UACA: variants seen among roughly 807,000 people sequenced by gnomAD.
UACA encodes the protein uveal autoantigen with coiled-coil domains and ankyrin repeats.
A neutral mutation model predicts 160.5 loss-of-function variants in UACA; 112 were observed. That is an observed-to-expected ratio of 0.70 (90% CI 0.60 to 0.82). The LOEUF is 0.82. Among genes scored for constraint, UACA ranks in the 40% least tolerant of loss-of-function variants. The probability of loss-of-function intolerance (pLI) is 0.00; values close to 1 mark genes in which losing one functional copy is unlikely to be tolerated. For synonymous variants in UACA, 557 were observed against 568.4 expected (o/e 0.98, Z 0.29); for missense variants, 1,574 against 1,614.6 (o/e 0.97, Z 0.43).
rs558728127 is a variant in UACA, at chr15:70,655,310, C to A, written c.*1746G>T. On this transcript the variant is annotated 3_prime_UTR_variant, in exon 19 of 19. Coordinates refer to ENST00000322954, the MANE Select transcript of UACA (RefSeq NM_018003.4). Reference sequence around the variant, plus strand: ...TGGCGAGATCTTGGCTCACTGCAACCTCCGCCTCCCAGGTTCAAGCGATTC... The same window carrying A: ...TGGCGAGATCTTGGCTCACTGCAACATCCGCCTCCCAGGTTCAAGCGATTC... The A allele has an allele frequency of 6.6e-6, 1 of 152,500 alleles. No homozygotes were observed. Among genetic ancestry groups the A allele is most frequent in the Non-Finnish European group, 1.5e-5 (1 of 68,176 alleles). The allele number at this position is 152,500 out of a possible 1,614,324, so 9.4% of individuals were successfully genotyped here.
chr15:70,736,050 A>G (rs929250451), intron 1 of UACA, among the ~76,000 whole-genome samples: 12 of 152,226 alleles, frequency 7.9e-5, no homozygotes, highest in African/African-American at 2.7e-4. Flanking sequence ...AGTACTTTTA[A>G]TTGATTTTTG....
intron 1 of UACA, among the ~76,000 whole-genome samples, chr15:70,754,728 T>C (rs974014629): frequency 4.6e-5 from 7 of 151,866 alleles, no homozygotes; most frequent in African/African-American, 1.7e-4. Flanking sequence ...TTTCTGACAA[T>C]AAAACAAAGC....
chr15:70,710,441 C>G (rs1188306965), intron 1 of UACA, among the ~76,000 whole-genome samples: 1 of 152,158 alleles, frequency 6.6e-6, no homozygotes, highest in East Asian at 1.9e-4. Flanking sequence ...GAGCAATTCT[C>G]CAGCACACAA....
intron 17 of UACA, among the ~76,000 whole-genome samples, chr15:70,662,644 C>G (rs1005861465): frequency 1.8e-4 from 28 of 152,180 alleles, no homozygotes; most frequent in Admixed American, 1.0e-3. Context: ...AAACAGCATG[C>G]TACTGGTACC....
At chr15:70,678,307 A>G in intron 10 of UACA, 101 bp from the exon 11 acceptor site, 1 of 654,008 alleles carries the variant, frequency 1.5e-6, no homozygotes, top group Non-Finnish European at 2.6e-6. Context: ...AGGTACATAC[A>G]TATGTAAAAC....
At position 70,695,102 on chromosome 15, in the gene UACA, G is replaced by A; in HGVS notation, c.216C>T (p.Phe72=). 2 of 1,589,688 alleles carry A rather than the reference G, an allele frequency of 1.3e-6. No individual in the cohort carries two copies. The highest frequency in any genetic ancestry group is 1.8e-5 in the Admixed American group (1 of 56,220). Residue 72 remains phenylalanine, a synonymous_variant, in exon 3 of 19, where the codon TTC becomes TTT. Coordinates refer to ENST00000322954, the MANE Select transcript of UACA (RefSeq NM_018003.4). The part of the protein sequence containing the change: ...GKLDVEGRSV[F]HVVTSKGNLE... ...GATTCCCCTTTGAGGTCACAACATG[G>A]AAGCTAAACAAAAAAAAAATATTTG...
intron 13 of UACA, among the ~76,000 whole-genome samples, chr15:70,674,891 G>A (rs555650103): frequency 4.6e-5 from 7 of 152,246 alleles, no homozygotes; most frequent in South Asian, 4.1e-4. Flanking sequence ...GAGACACTGC[G>A]CCTGGCCTAT....
chr15:70,666,751 A>G lies in UACA; in HGVS notation c.3933T>C (p.Ala1311=). The G allele has an allele frequency of 6.2e-7, 1 of 1,607,442 alleles. No individual in the cohort carries two copies. The highest frequency in any genetic ancestry group is 1.1e-5 in the South Asian group (1 of 89,492). ...TELQRRIQES[A]KQIEAKDNKI... ...TATTATCTTTTGCTTCTATTTGTTTAGCAGATTCTTGTATTCTTCTTTGTA... is the reference window on the plus strand; with the variant it reads ...TATTATCTTTTGCTTCTATTTGTTTGGCAGATTCTTGTATTCTTCTTTGTA... The change falls in exon 16 of 19, where the codon GCT becomes GCC. Residue 1311 remains alanine, a synonymous_variant. Coordinates refer to ENST00000322954, the MANE Select transcript of UACA (RefSeq NM_018003.4).
intron 1 of UACA, among the ~76,000 whole-genome samples, chr15:70,750,706 C>A (rs190230304): frequency 4.6e-5 from 7 of 152,084 alleles, no homozygotes; most frequent in Non-Finnish European, 8.8e-5. Context: ...CCTGTCTCTA[C>A]AAAAAATAAA....
chr15:70,684,680 G>T (rs201271546), intron 7 of UACA, among the ~76,000 whole-genome samples: 2 of 151,978 alleles, frequency 1.3e-5, no homozygotes, highest in Non-Finnish European at 2.9e-5. Context: ...CTTATAAACT[G>T]TAGTTCTACT....
rs1251544571 is a variant in UACA, at chr15:70,654,892, GTAA to G, written c.*2161_*2163del. ...TTAAAAAGCTTTGGTCTTCAGTGTT[GTAA>G]ACGCAATTTCTGCCTTCGATATCAA... On this transcript the variant is annotated 3_prime_UTR_variant, in exon 19 of 19. Transcript: ENST00000322954. 3.3e-5 allele frequency: 5 copies of G among 152,186 alleles called. No individual in the cohort carries two copies. The allele number at this position is 152,186 out of a possible 1,614,324, so 9.4% of individuals were successfully genotyped here.
chr15:70,691,716 AAGAG>A (rs1286388901), intron 3 of UACA, among the ~76,000 whole-genome samples: 1 of 152,170 alleles, frequency 6.6e-6, no homozygotes, highest in Non-Finnish European at 1.5e-5. Context: ...ATGAGGAAAG[AAGAG>A]AGAGAAAGAA....
intron 9 of UACA, chr15:70,681,461 T>C (rs1181221328): frequency 2.0e-5 from 3 of 152,246 alleles, no homozygotes; most frequent in African/African-American, 7.2e-5. Flanking sequence ...TGTGTCTTTC[T>C]GTTCCTAGTA....
At chr15:70,715,059 C>T (rs1761538836) in intron 1 of UACA, among the ~76,000 whole-genome samples, 2 of 152,200 alleles carry the variant, frequency 1.3e-5, no homozygotes, top group Middle Eastern at 3.4e-3. Flanking sequence ...CTTAAAAATA[C>T]TACACAATTG....
At chr15:70,756,199 C>T (rs193039613) in intron 1 of UACA, among the ~76,000 whole-genome samples, 1 of 151,350 alleles carries the variant, frequency 6.6e-6, no homozygotes, top group Admixed American at 6.6e-5. Context: ...TGGAGTCTTG[C>T]TCTGTTGCCC....
chr15:70,667,114 C>G lies in UACA; in HGVS notation c.3570G>C (p.Lys1190Asn), dbSNP rs780597103. ...CCATTTTGTTTTGGCTTTCTTCTTCCTTTTCTCTCAAGCTGGCTTTTATGA... is the reference window on the plus strand; with the variant it reads ...CCATTTTGTTTTGGCTTTCTTCTTCGTTTTCTCTCAAGCTGGCTTTTATGA... ...VGIIKASLRE[K>N]EEESQNKMEE... Residue 1190 changes from lysine to asparagine, a missense_variant, in exon 16 of 19, where the codon AAG becomes AAC. Transcript: ENST00000322954. 34 of 1,612,830 alleles carry G rather than the reference C, an allele frequency of 2.1e-5. No homozygotes were observed. Among genetic ancestry groups the G allele is most frequent in the Non-Finnish European group, 2.8e-5 (33 of 1,179,838 alleles).
chr15:70,747,231 T>G (rs1899734085), intron 1 of UACA, among the ~76,000 whole-genome samples: 1 of 151,104 alleles, frequency 6.6e-6, no homozygotes, highest in Non-Finnish European at 1.5e-5. Context: ...GAATGGTGTT[T>G]GTTTTTTGGG....
intron 1 of UACA, among the ~76,000 whole-genome samples, chr15:70,753,196 A>G (rs777837760): frequency 1.3e-4 from 20 of 152,240 alleles, no homozygotes; most frequent in Admixed American, 1.2e-3. Context: ...GAAAATGAAC[A>G]ATTCCTAAAA....
In UACA at chr15:70,667,933, T is replaced by C. The variant is rs746477639; in HGVS notation, c.2751A>G (p.Gln917=). ...LKRNLENTQN[Q]IKAEYISLAE... ...CCAGGCTGATGTACTCAGCTTTTAT[T>C]TGGTTCTGAGTGTTTTCCAGGTTTC... Residue 917 remains glutamine, a synonymous_variant, in exon 16 of 19, where the codon CAA becomes CAG. Transcript: ENST00000322954. The C allele has an allele frequency of 1.2e-6, 2 of 1,613,692 alleles. No homozygotes were observed. Among genetic ancestry groups the C allele is most frequent in the Non-Finnish European group, 8.5e-7 (1 of 1,179,890 alleles).
Sources: gnomAD v4.1 joint callset for allele counts (sites outside exome capture counted in the v4.1 genomes callset) on GRCh38, gnomAD v4.1.1 for gene constraint, MANE v1.5 for transcripts, NCBI Gene and HGNC (gene_info 2026-07-23, HGNC 2026-07-21) for gene names.